The following CASP9 variants were observed in gnomAD, a reference collection of about 807,000 sequenced individuals.
CASP9 encodes caspase 9, also known as caspase-9.
Under a neutral mutation model 43.5 loss-of-function variants are expected in CASP9, and 29 were observed. That is an observed-to-expected ratio of 0.67 (90% confidence interval 0.50 to 0.91). The LOEUF (loss-of-function observed/expected upper bound fraction) is 0.91. Among genes scored for constraint, CASP9 ranks in the 40% least tolerant of loss-of-function variants. CASP9 has a pLI of 0.00. For synonymous variants in CASP9, 206 were observed against 211.9 expected, an observed-to-expected ratio of 0.97 and a Z score of 0.24; for missense variants, 575 against 537.4, an observed-to-expected ratio of 1.07 and a Z score of -0.69.
chr1:15,495,521 AGTCG>A (rs1709074475), intron 6 of CASP9, 69 bp from the exon 7 acceptor site: 1 of 1,348,878 alleles, frequency 7.4e-7, no homozygotes, highest in Non-Finnish European at 1.0e-6. Context: ...AACATATGAA[AGTCG>A]GTGCAATATA....
intron 2 of CASP9, among the ~76,000 whole-genome samples, chr1:15,510,578 G>T (rs1330451961): frequency 6.6e-6 from 1 of 152,022 alleles, no homozygotes; most frequent in East Asian, 1.9e-4. Flanking sequence ...AAAGCAAAAT[G>T]ACTGCTCTCA....
At chr1:15,507,839 C>T in intron 3 of CASP9, 34 bp downstream of exon 3, 4 of 1,611,976 alleles carry the variant, frequency 2.5e-6, no homozygotes, top group Non-Finnish European at 3.4e-6. Context: ...GGCCCAGAGC[C>T]CGAGCTACTG....
chr1:15,519,204 G>T (rs190927485), intron 1 of CASP9, among the ~76,000 whole-genome samples: 62 of 151,798 alleles, frequency 4.1e-4, no homozygotes, highest in African/African-American at 1.4e-3. Flanking sequence ...GTTTTTTGAG[G>T]AGTCTTGCTC....
chr1:15,493,642 A>C, intron 8 of CASP9: 1 of 1,443,038 alleles, frequency 6.9e-7, no homozygotes, highest in Non-Finnish European at 9.1e-7. Flanking sequence ...GAGGAGCGGG[A>C]GGTGTCAACC....
chr1:15,499,162 C>T (rs1709228596), intron 6 of CASP9, among the ~76,000 whole-genome samples: 1 of 152,108 alleles, frequency 6.6e-6, no homozygotes, highest in African/African-American at 2.4e-5. Flanking sequence ...AAGGGGTTTC[C>T]CCCCAGACAG....
intron 3 of CASP9, 87 bp downstream of exon 3, chr1:15,507,786 C>T: frequency 7.3e-7 from 1 of 1,370,526 alleles, no homozygotes; most frequent in Non-Finnish European, 1.0e-6. Context: ...CCCTGGGCTC[C>T]TGACACACCT....
At chr1:15,507,565 G>C (rs1264484319) in intron 3 of CASP9, among the ~76,000 whole-genome samples, 1 of 152,260 alleles carries the variant, frequency 6.6e-6, no homozygotes, top group Non-Finnish European at 1.5e-5. Context: ...CCCCAGCACA[G>C]AGCATGGGAG....
chr1:15,521,536 T>C (rs1710202020), intron 1 of CASP9, among the ~76,000 whole-genome samples: 2 of 152,340 alleles, frequency 1.3e-5, no homozygotes, highest in Admixed American at 6.5e-5. Flanking sequence ...ATCTTTCTTA[T>C]AAGTGCATAG....
chr1:15,517,923 T>C (rs1223144630), intron 2 of CASP9, among the ~76,000 whole-genome samples, 187 bp downstream of exon 2: 4 of 152,100 alleles, frequency 2.6e-5, no homozygotes, highest in Non-Finnish European at 5.9e-5. Flanking sequence ...CAACACATGC[T>C]TTTCAGAGGA....
At chr1:15,497,995 C>T (rs563957010) in intron 6 of CASP9, among the ~76,000 whole-genome samples, 4 of 152,316 alleles carry the variant, frequency 2.6e-5, no homozygotes, top group East Asian at 1.9e-4. Flanking sequence ...CCCTCACATG[C>T]GTGGTCAAAT....
intron 1 of CASP9, among the ~76,000 whole-genome samples, chr1:15,519,617 G>C (rs1233688064): frequency 2.0e-5 from 3 of 152,308 alleles, no homozygotes; most frequent in Non-Finnish European, 4.4e-5. Context: ...AGCTAGAATA[G>C]AGAGAAGTGA....
chr1:15,493,789 C>T lies in CASP9; in HGVS notation c.1158+103G>A, dbSNP rs1022962572. ...AGGCAGGAGTCTACTACCTTTTACC[C>T]TTGGTTTGGGCCTGCCCTGCTCACC... On this transcript the variant is annotated intron_variant, in intron 8 of 8. Coordinates refer to ENST00000333868, the MANE Select transcript of CASP9 (RefSeq NM_001229.5). The T allele has an allele frequency of 2.0e-6, 3 of 1,535,696 alleles. No individual in the cohort carries two copies. In the African/African-American group the frequency reaches 4.2e-5, roughly 22 times the overall value.
In CASP9 at chr1:15,491,766, A is replaced by G. The variant is rs912658698; in HGVS notation, c.*1177T>C. 8 of 171,808 alleles carry G rather than the reference A, an allele frequency of 4.7e-5. No individual in the cohort carries two copies. The highest frequency in any genetic ancestry group is 3.3e-4 in the Admixed American group (6 of 17,978). The allele number at this position is 171,808 out of a possible 1,614,324, so 10.6% of individuals were successfully genotyped here. ...GAGTGAGACCCTATCTCCAAAAAAAAAGGCCCAAAAAACAAGAAATAGGCT... is the reference window on the plus strand; with the variant it reads ...GAGTGAGACCCTATCTCCAAAAAAAGAGGCCCAAAAAACAAGAAATAGGCT... On this transcript the variant is annotated 3_prime_UTR_variant, in exon 9 of 9. Coordinates refer to ENST00000333868, the MANE Select transcript of CASP9 (RefSeq NM_001229.5).
At chr1:15,521,093 C>T (rs899186616) in intron 1 of CASP9, among the ~76,000 whole-genome samples, 19 of 148,360 alleles carry the variant, frequency 1.3e-4, no homozygotes, top group Non-Finnish European at 2.2e-4. Context: ...GGAGGCGGAG[C>T]TTGCAGTGAG....
At chr1:15,498,674 G>A (rs1709204257) in intron 6 of CASP9, among the ~76,000 whole-genome samples, 1 of 150,428 alleles carries the variant, frequency 6.6e-6, no homozygotes, top group South Asian at 2.1e-4. Context: ...CTCTATTCCT[G>A]ACTTCTGTCT....
At chr1:15,494,582 G>T in intron 7 of CASP9, among the ~76,000 whole-genome samples, 1 of 135,074 alleles carries the variant, frequency 7.4e-6, no homozygotes, top group Non-Finnish European at 1.6e-5. Flanking sequence ...AAAAAAAAAA[G>T]GCTGGGCGCG....
intron 1 of CASP9, among the ~76,000 whole-genome samples, chr1:15,522,264 C>T (rs983244399): frequency 6.6e-6 from 1 of 152,222 alleles, no homozygotes; most frequent in Non-Finnish European, 1.5e-5. Context: ...GAGCCCAGAT[C>T]CAACTGGTTC....
At chr1:15,524,892 C>T (rs1440617838), upstream of CASP9, 48 of 408,958 alleles carry the variant, frequency 1.2e-4, no homozygotes, top group Admixed American at 2.0e-4. Context: ...TTCCGCGCCA[C>T]CGCCCCGCCC....
intron 2 of CASP9, among the ~76,000 whole-genome samples, chr1:15,514,328 G>A (rs1709873939): frequency 6.6e-6 from 1 of 152,150 alleles, no homozygotes; most frequent in Non-Finnish European, 1.5e-5. Flanking sequence ...CTTATTAAAG[G>A]CTCTGCTGCT....
Sources: gnomAD v4.1 joint callset for allele counts (sites outside exome capture counted in the v4.1 genomes callset) on GRCh38, gnomAD v4.1.1 for gene constraint, MANE v1.5 for transcripts, NCBI Gene and HGNC (gene_info 2026-07-23, HGNC 2026-07-21) for gene names.